The following RBFOX1 variants were observed in gnomAD, a reference collection of about 807,000 sequenced individuals.
RBFOX1 encodes the protein RNA binding protein fox-1 homolog 1.
Under a neutral mutation model 57.7 loss-of-function variants are expected in RBFOX1, and 8 were observed. The observed-to-expected ratio is 0.14, with a 90% CI of 0.08 to 0.25. RBFOX1 has a LOEUF of 0.25. RBFOX1 is among the 10% of genes least tolerant of loss of function. The probability of loss-of-function intolerance (pLI) is 1.00; values close to 1 mark genes in which losing one functional copy is unlikely to be tolerated. For missense variants in RBFOX1, 611 were observed against 548.5 expected (o/e 1.11, Z -1.14); for synonymous variants, 326 against 222.4 (o/e 1.47, Z -4.15).
chr16:5,460,839 C>T (rs971105038), intron 1 of RBFOX1, among the ~76,000 whole-genome samples: 1 of 152,184 alleles, frequency 6.6e-6, no homozygotes, highest in East Asian at 1.9e-4. Context: ...GAGTCCTAAT[C>T]CCATTGCAGG....
intron 4 of RBFOX1, among the ~76,000 whole-genome samples, chr16:7,179,222 AT>A (rs5815380): frequency 0.32 from 45,816 of 144,948 alleles, 7,251 homozygotes; most frequent in Non-Finnish European, 0.38. Flanking sequence ...CTTAACCGGG[AT>A]TTTTTTTTTT....
chr16:6,632,621 G>C (rs2098398992), intron 2 of RBFOX1, among the ~76,000 whole-genome samples: 1 of 152,186 alleles, frequency 6.6e-6, no homozygotes, highest in African/African-American at 2.4e-5. Flanking sequence ...GCCTGGCCAT[G>C]GGTGTTTTGC....
chr16:6,157,235 T>C (rs2096844737), intron 1 of RBFOX1, among the ~76,000 whole-genome samples: 1 of 152,160 alleles, frequency 6.6e-6, no homozygotes, highest in African/African-American at 2.4e-5. Flanking sequence ...GACATAAATG[T>C]AGAGGTGATG....
intron 4 of RBFOX1, among the ~76,000 whole-genome samples, chr16:7,404,689 G>C (rs949043160): frequency 1.6e-4 from 24 of 152,144 alleles, no homozygotes; most frequent in African/African-American, 5.5e-4. Flanking sequence ...GATATTAAAA[G>C]AATGCTTTTT....
intron 3 of RBFOX1, among the ~76,000 whole-genome samples, chr16:5,733,808 C>T (rs1401131567): frequency 6.6e-6 from 1 of 152,018 alleles, no homozygotes; most frequent in Non-Finnish European, 1.5e-5. Flanking sequence ...TCTCACCTTT[C>T]CTTCCCATCC....
At chr16:6,519,547 A>G (rs2096459534) in intron 2 of RBFOX1, among the ~76,000 whole-genome samples, 1 of 152,106 alleles carries the variant, frequency 6.6e-6, no homozygotes, top group Non-Finnish European at 1.5e-5. Flanking sequence ...CTAAAAATAC[A>G]AAAATTAGCC....
chr16:5,961,362 A>G (rs17644833), intron 4 of RBFOX1, among the ~76,000 whole-genome samples: 1 of 151,802 alleles, frequency 6.6e-6, no homozygotes, highest in Non-Finnish European at 1.5e-5. Context: ...TGAGCTTCCA[A>G]AATTACTCAA....
intron 3 of RBFOX1, among the ~76,000 whole-genome samples, chr16:5,727,496 G>A (rs1279705478): frequency 1.3e-5 from 2 of 152,146 alleles, no homozygotes; most frequent in African/African-American, 2.4e-5. Context: ...GTATGTGTGT[G>A]TATATCTACT....
chr16:7,276,060 A>G (rs144368807), intron 4 of RBFOX1, among the ~76,000 whole-genome samples: 1 of 152,368 alleles, frequency 6.6e-6, no homozygotes, highest in African/African-American at 2.4e-5. Context: ...AAAAGGCAAT[A>G]AAGAAACTCC....
chr16:7,567,190 CAT>C (rs1166295366), intron 5 of RBFOX1, among the ~76,000 whole-genome samples: 36 of 95,762 alleles, frequency 3.8e-4, no homozygotes, highest in African/African-American at 1.3e-3. Context: ...TATAAATATC[CAT>C]ATATATATCC....
At chr16:5,635,702 A>G (rs961231588) in intron 3 of RBFOX1, among the ~76,000 whole-genome samples, 1 of 152,208 alleles carries the variant, frequency 6.6e-6, no homozygotes, top group Non-Finnish European at 1.5e-5. Flanking sequence ...TAAATTACAT[A>G]TCCTGGGTGC....
chr16:7,218,807 C>T (rs1049522386), intron 4 of RBFOX1, among the ~76,000 whole-genome samples: 1 of 151,764 alleles, frequency 6.6e-6, no homozygotes, highest in South Asian at 2.1e-4. Context: ...CAATCAGGAA[C>T]CTGTCTAGAA....
chr16:6,695,178 G>A (rs2060829390), intron 3 of RBFOX1, among the ~76,000 whole-genome samples: 1 of 152,072 alleles, frequency 6.6e-6, no homozygotes, highest in African/African-American at 2.4e-5. Context: ...CCAGCACTTT[G>A]GGAGGCCAAG....
chr16:5,902,491 C>A (rs536106068), intron 4 of RBFOX1, among the ~76,000 whole-genome samples: 1 of 152,284 alleles, frequency 6.6e-6, no homozygotes, highest in African/African-American at 2.4e-5. Flanking sequence ...TTGGCTTACT[C>A]TGCAGCCACC....
intron 10 of RBFOX1, among the ~76,000 whole-genome samples, chr16:7,618,457 T>G (rs964440542): frequency 2.6e-5 from 4 of 152,196 alleles, no homozygotes; most frequent in African/African-American, 9.6e-5. Flanking sequence ...AAGGCTATTG[T>G]GAAACTTATT....
chr16:5,584,925 G>GA (rs553196989), intron 2 of RBFOX1, among the ~76,000 whole-genome samples: 2 of 151,990 alleles, frequency 1.3e-5, no homozygotes, highest in African/African-American at 4.8e-5. Context: ...ATTTTTATTT[G>GA]AAAAAATACG....
intron 4 of RBFOX1, among the ~76,000 whole-genome samples, chr16:7,272,231 C>G (rs995103847): frequency 1.1e-4 from 16 of 152,274 alleles, no homozygotes; most frequent in African/African-American, 3.4e-4. Flanking sequence ...TCATCCAGAG[C>G]TGGAGTGCAT....
intron 1 of RBFOX1, among the ~76,000 whole-genome samples, chr16:5,407,583 C>T (rs980121678): frequency 5.3e-5 from 8 of 152,024 alleles, no homozygotes; most frequent in Admixed American, 1.3e-4. Context: ...TTGTCTCACT[C>T]TGTCACCCAG....
chr16:6,660,422 G>T (rs1173698194), intron 3 of RBFOX1, among the ~76,000 whole-genome samples: 2 of 152,138 alleles, frequency 1.3e-5, no homozygotes, highest in East Asian at 3.9e-4. Flanking sequence ...AGTAATTCTT[G>T]CATAGGTAAT....
Sources: allele counts gnomAD v4.1 joint callset (sites outside exome capture counted in the v4.1 genomes callset), GRCh38; gene constraint gnomAD v4.1.1; transcripts MANE v1.5; gene names NCBI Gene and HGNC (gene_info 2026-07-23, HGNC 2026-07-21).